Variants in SYT16 observed in about 807,000 individuals in gnomAD.
SYT16 encodes the protein synaptotagmin 16.
SYT16 carries 42 observed loss-of-function variants against 61.4 expected under a neutral mutation model. The observed-to-expected ratio is 0.68, with a 90% CI of 0.53 to 0.89. The LOEUF (loss-of-function observed/expected upper bound fraction) is 0.89, where lower values mean the gene tolerates loss of function less well. Ranked by LOEUF, SYT16 falls within the 40% of genes least tolerant of loss-of-function variation. The pLI, the probability that SYT16 is intolerant of heterozygous loss-of-function variation, is 0.00. For missense variants in SYT16, 804 were observed against 807.3 expected, an observed-to-expected ratio of 1.00 and a Z score of 0.05; for synonymous variants, 314 against 302.3, an observed-to-expected ratio of 1.04 and a Z score of -0.40.
At chr14:61,818,677 CAAAA>C (rs61559295) in intron 1 of SYT16, among the ~76,000 whole-genome samples, 1 of 74,376 alleles carries the variant, frequency 1.3e-5, no homozygotes, top group Non-Finnish European at 2.9e-5. Flanking sequence ...GACTCTGTCT[CAAAA>C]AAAAAAAAAA....
intron 3 of SYT16, among the ~76,000 whole-genome samples, chr14:62,022,920 C>T (rs2053967555): frequency 6.6e-6 from 1 of 152,128 alleles, no homozygotes; most frequent in African/African-American, 2.4e-5. Context: ...ACAGATTCTA[C>T]ATCTCTATTT....
At chr14:61,905,138 T>C (rs1054161685) in intron 1 of SYT16, among the ~76,000 whole-genome samples, 4 of 152,210 alleles carry the variant, frequency 2.6e-5, no homozygotes, top group East Asian at 3.8e-4. Flanking sequence ...CACTGACTTA[T>C]GCCCTAGGGC....
At chr14:61,845,882 TATC>T (rs1209549312) in intron 1 of SYT16, among the ~76,000 whole-genome samples, 7 of 152,208 alleles carry the variant, frequency 4.6e-5, no homozygotes, top group Non-Finnish European at 1.0e-4. Flanking sequence ...GTGTTTCCAT[TATC>T]ATTTGTTTCA....
At chr14:61,894,841 A>G (rs1039213556) in intron 1 of SYT16, among the ~76,000 whole-genome samples, 3 of 152,230 alleles carry the variant, frequency 2.0e-5, no homozygotes, top group Admixed American at 1.3e-4. Context: ...AATATTTACC[A>G]CTAAGGACTT....
intron 2 of SYT16, among the ~76,000 whole-genome samples, chr14:61,995,449 G>C (rs1029113226): frequency 1.3e-5 from 2 of 152,090 alleles, no homozygotes; most frequent in African/African-American, 4.8e-5. Flanking sequence ...TACTTCCTTT[G>C]CAAGTATAAA....
chr14:62,072,054 G>A (rs1000803132), intron 4 of SYT16, among the ~76,000 whole-genome samples: 6 of 152,310 alleles, frequency 3.9e-5, no homozygotes, highest in African/African-American at 1.4e-4. Flanking sequence ...TTTGGTCTAA[G>A]TGGTCTGGAT....
chr14:62,021,284 G>C (rs2053898097), intron 3 of SYT16, among the ~76,000 whole-genome samples: 1 of 152,094 alleles, frequency 6.6e-6, no homozygotes, highest in African/African-American at 2.4e-5. Context: ...GAATGGAGTG[G>C]TGGTCTTTGT....
intron 3 of SYT16, among the ~76,000 whole-genome samples, chr14:62,040,125 C>T (rs1444736218): frequency 1.3e-5 from 2 of 152,008 alleles, no homozygotes; most frequent in Non-Finnish European, 2.9e-5. Flanking sequence ...TTATCCACCA[C>T]AGCTGCAGGA....
chr14:61,855,629 T>C (rs1018643754), intron 1 of SYT16, among the ~76,000 whole-genome samples: 30 of 152,246 alleles, frequency 2.0e-4, no homozygotes, highest in African/African-American at 6.8e-4. Flanking sequence ...CACTGTAATG[T>C]TGAAAAAAAT....
Position 61,941,903 on chromosome 14 carries a change from C to T in SYT16, c.-324-28229C>T, listed in dbSNP as rs967043268. Among the ~76,000 whole-genome samples the T allele has an allele frequency of 5.9e-5, 9 of 152,182 alleles. No individual in the cohort carries two copies. In the East Asian group the frequency reaches 1.7e-3, roughly 29 times the overall value. On this transcript the variant is annotated intron_variant, in intron 1 of 7. Coordinates refer to ENST00000683842, the MANE Select transcript of SYT16 (RefSeq NM_001367656.1). ...AAAGTATCTGGAGCCAGATGAAATC[C>T]ATCCAAAGGTAGAAGACATTTTTTG...
At position 62,056,857 on chromosome 14, in the gene SYT16, A is replaced by G. The variant is rs1258443721; in HGVS notation, c.524-12746A>G. ...CAGCTTGCAGGGAGCTTAGGTTCTGACGGCGTCGGAGGACAACACGCTCTG... is the reference window on the plus strand; with the variant it reads ...CAGCTTGCAGGGAGCTTAGGTTCTGGCGGCGTCGGAGGACAACACGCTCTG... On this transcript the variant is annotated intron_variant, in intron 3 of 7. Coordinates refer to ENST00000683842, the MANE Select transcript of SYT16 (RefSeq NM_001367656.1). Among the ~76,000 whole-genome samples, 3 of 152,192 alleles carry G rather than the reference A, an allele frequency of 2.0e-5. No homozygotes were observed. The East Asian group carries it at 5.8e-4, about 29-fold the overall frequency.
In SYT16 at chr14:61,833,727, T is replaced by A. The variant is rs558217846; in HGVS notation, c.-325+20917T>A. On this transcript the variant is annotated intron_variant, in intron 1 of 7. Transcript: ENST00000683842. ...GTGGCTTTTTTTTTTTTTTTTTTTT[T>A]AAATTTAAATTTTAAACTCAAGGAC... is the stretch of plus-strand genomic sequence containing the variant. Among the ~76,000 whole-genome samples, 567 of 141,688 alleles carry A rather than the reference T, an allele frequency of 4.0e-3. 1 individual carries two copies. The highest frequency in any genetic ancestry group is 0.014 in the African/African-American group (529 of 38,032). The allele number at this position is 141,688 out of a possible 152,430, so 93.0% of individuals were successfully genotyped here. A position where few individuals can be genotyped will look rare whatever the true frequency, so the allele number is the denominator to read the frequency against.
intron 1 of SYT16, among the ~76,000 whole-genome samples, chr14:61,916,127 A>G (rs768141648): frequency 2.6e-5 from 4 of 152,272 alleles, no homozygotes; most frequent in Non-Finnish European, 4.4e-5. Context: ...GATGACTTGC[A>G]TTGTATTTGA....
intron 7 of SYT16, among the ~76,000 whole-genome samples, chr14:62,090,160 CCTT>C (rs1172341205): frequency 6.6e-6 from 1 of 152,190 alleles, no homozygotes; most frequent in Non-Finnish European, 1.5e-5. Flanking sequence ...TGCTATGTCT[CCTT>C]CTACAGTGTA....
At chr14:61,872,987 A>T (rs2047377641) in intron 1 of SYT16, among the ~76,000 whole-genome samples, 1 of 152,224 alleles carries the variant, frequency 6.6e-6, no homozygotes, top group South Asian at 2.1e-4. Context: ...AAAACGTTGT[A>T]TTCATAGGTA....
chr14:62,014,735 G>A (rs922779216), intron 3 of SYT16, among the ~76,000 whole-genome samples: 1 of 151,910 alleles, frequency 6.6e-6, no homozygotes, highest in Admixed American at 6.6e-5. Flanking sequence ...CGCCCGGCTG[G>A]TTTCTCTATT....
At chr14:62,057,006 C>T (rs1046486229) in intron 3 of SYT16, among the ~76,000 whole-genome samples, 1 of 152,152 alleles carries the variant, frequency 6.6e-6, no homozygotes, top group Non-Finnish European at 1.5e-5. Context: ...GGGGGCACGG[C>T]GCACGACCGG....
rs548129267 is a variant in SYT16, at chr14:62,086,865, T to C, written c.1624+2480T>C. ...TGTTGTATCTTTGCAACCCATGGAA[T>C]AGAAAACAATGCTGCCGTGATGCTA... On this transcript the variant is annotated intron_variant, in intron 7 of 7. Transcript: ENST00000683842. 1.1e-4 allele frequency among the ~76,000 whole-genome samples: 16 copies of C among 152,306 alleles called. No homozygotes were observed. The South Asian group carries it at 3.3e-3, about 32-fold the overall frequency.
chr14:61,910,564 T>G (rs552015476), intron 1 of SYT16, among the ~76,000 whole-genome samples: 1 of 144,996 alleles, frequency 6.9e-6, no homozygotes, highest in East Asian at 2.1e-4. Context: ...AGGTTCTCGC[T>G]CTGTCACCCA....
Sources: gnomAD v4.1 joint callset for allele counts (sites outside exome capture counted in the v4.1 genomes callset) on GRCh38, gnomAD v4.1.1 for gene constraint, MANE v1.5 for transcripts, NCBI Gene and HGNC (gene_info 2026-07-23, HGNC 2026-07-21) for gene names.